Variants in SNTG1 observed in about 807,000 individuals in gnomAD.
The protein encoded by SNTG1 is gamma-1-syntrophin.
Under a neutral mutation model 74.7 loss-of-function variants are expected in SNTG1, and 39 were observed. The ratio of observed to expected loss-of-function variants is 0.52; its 90% CI spans 0.40 to 0.68. The LOEUF (loss-of-function observed/expected upper bound fraction) is 0.68, where lower values mean the gene tolerates loss of function less well. SNTG1 is among the 30% of genes least tolerant of loss of function. The pLI is 0.00. For missense variants in SNTG1, 685 were observed against 609.5 expected (o/e 1.12, Z -1.30); for synonymous variants, 254 against 217.1 (o/e 1.17, Z -1.49).
chr8:50,192,607 G>A (rs528689768), intron 2 of SNTG1, among the ~76,000 whole-genome samples: 5 of 151,690 alleles, frequency 3.3e-5, no homozygotes, highest in Middle Eastern at 6.9e-3. Flanking sequence ...TGGGTTGTCT[G>A]TTTATTCTGC....
intron 2 of SNTG1, among the ~76,000 whole-genome samples, chr8:50,319,436 T>C (rs1022353571): frequency 2.6e-5 from 4 of 152,222 alleles, no homozygotes; most frequent in Non-Finnish European, 4.4e-5. Flanking sequence ...ACTACAACTT[T>C]ACTGAATTTA....
chr8:50,578,423 AAGAG>A (rs34191085), intron 12 of SNTG1, among the ~76,000 whole-genome samples: 2 of 151,806 alleles, frequency 1.3e-5, no homozygotes, highest in African/African-American at 4.8e-5. Flanking sequence ...ATGAGAGAGA[AAGAG>A]AGAGAGAGAG....
At chr8:50,011,617 G>A (rs553748281) in intron 1 of SNTG1, among the ~76,000 whole-genome samples, 85 of 93,152 alleles carry the variant, frequency 9.1e-4, no homozygotes, top group African/African-American at 2.2e-3. Context: ...ACTATCCCAA[G>A]GTGAAATTAA....
intron 1 of SNTG1, among the ~76,000 whole-genome samples, chr8:49,915,281 G>A (rs1322348535): frequency 6.6e-6 from 1 of 152,018 alleles, no homozygotes; most frequent in African/African-American, 2.4e-5. Context: ...GAAATTCAAT[G>A]ATTTTGAGAG....
intron 2 of SNTG1, among the ~76,000 whole-genome samples, chr8:50,265,775 A>G (rs1213622886): frequency 1.3e-5 from 2 of 152,090 alleles, no homozygotes; most frequent in African/African-American, 4.8e-5. Flanking sequence ...CATTAAATCA[A>G]TTGTATTTTT....
At chr8:50,168,475 A>G (rs998578643) in intron 1 of SNTG1, among the ~76,000 whole-genome samples, 1 of 152,178 alleles carries the variant, frequency 6.6e-6, no homozygotes, top group African/African-American at 2.4e-5. Context: ...TATACATTAT[A>G]AGATGCATTT....
At chr8:50,292,383 G>T (rs564305532) in intron 2 of SNTG1, among the ~76,000 whole-genome samples, 1 of 152,272 alleles carries the variant, frequency 6.6e-6, no homozygotes. Flanking sequence ...TTAGAAAATG[G>T]ATGGTCAATG....
chr8:50,692,527 T>A (rs1167021823), intron 15 of SNTG1, among the ~76,000 whole-genome samples: 5 of 152,174 alleles, frequency 3.3e-5, no homozygotes, highest in African/African-American at 1.2e-4. Context: ...CCAGACCCTG[T>A]TTGCCTGGGT....
intron 8 of SNTG1, among the ~76,000 whole-genome samples, chr8:50,483,659 G>T (rs1465736650): frequency 6.6e-6 from 1 of 152,004 alleles, no homozygotes; most frequent in Non-Finnish European, 1.5e-5. Flanking sequence ...TATATGGCAG[G>T]GAACAGTGTA....
At chr8:50,770,136 T>C (rs538182661) in intron 18 of SNTG1, among the ~76,000 whole-genome samples, 2 of 152,294 alleles carry the variant, frequency 1.3e-5, no homozygotes, top group African/African-American at 4.8e-5. Context: ...TTGATACTTA[T>C]GGACCATAAA....
At chr8:50,556,426 T>A (rs2094455915) in intron 12 of SNTG1, among the ~76,000 whole-genome samples, 2 of 152,196 alleles carry the variant, frequency 1.3e-5, no homozygotes, top group South Asian at 4.1e-4. Flanking sequence ...TGAACTATTA[T>A]TTTAGGTAAA....
At chr8:50,712,717 A>G (rs972025098) in intron 17 of SNTG1, among the ~76,000 whole-genome samples, 5 of 150,514 alleles carry the variant, frequency 3.3e-5, no homozygotes, top group Non-Finnish European at 7.4e-5. Context: ...ACCTGTTCTC[A>G]TTGTTCAACT....
Position 50,097,638 on chromosome 8 carries a change from T to C in SNTG1, c.-102-74923T>C, listed in dbSNP as rs575153361. ...CAGCACTCCAGCCTGGGCGACAAAA[T>C]GAGACTCCGTCTCAAAAAAAAAAAC... On this transcript the variant is annotated intron_variant, in intron 1 of 18. Transcript: ENST00000642720. Among the ~76,000 whole-genome samples the C allele has an allele frequency of 7.3e-5, 11 of 150,788 alleles. 1 individual carries two copies. The highest frequency in any genetic ancestry group is 2.4e-4 in the African/African-American group (10 of 41,006).
intron 13 of SNTG1, among the ~76,000 whole-genome samples, chr8:50,605,480 C>A (rs2094806035): frequency 6.6e-6 from 1 of 152,154 alleles, no homozygotes; most frequent in Non-Finnish European, 1.5e-5. Context: ...TGGGCAGGAA[C>A]CAGCTGAGCA....
intron 12 of SNTG1, among the ~76,000 whole-genome samples, chr8:50,572,418 T>C (rs1418039022): frequency 6.6e-6 from 1 of 152,172 alleles, no homozygotes; most frequent in African/African-American, 2.4e-5. Context: ...TGTATGTGTG[T>C]GCATATGCTA....
intron 2 of SNTG1, among the ~76,000 whole-genome samples, chr8:50,358,316 T>C (rs2091873816): frequency 6.6e-6 from 1 of 152,218 alleles, no homozygotes; most frequent in African/African-American, 2.4e-5. Flanking sequence ...CAGTATTCAT[T>C]AGAGTAAGTT....
At chr8:50,354,583 CTGTTA>C (rs1220946061) in intron 2 of SNTG1, among the ~76,000 whole-genome samples, 4 of 152,168 alleles carry the variant, frequency 2.6e-5, no homozygotes, top group African/African-American at 7.2e-5. Flanking sequence ...ATTGTCTCTT[CTGTTA>C]TATTAGTTTT....
intron 1 of SNTG1, among the ~76,000 whole-genome samples, chr8:50,104,944 T>G (rs2080306944): frequency 6.6e-6 from 1 of 152,128 alleles, no homozygotes. Flanking sequence ...ATTAGACTGT[T>G]GTAGGATGCA....
intron 3 of SNTG1, among the ~76,000 whole-genome samples, chr8:50,396,993 C>T (rs1294574615): frequency 6.6e-6 from 1 of 152,096 alleles, no homozygotes; most frequent in Non-Finnish European, 1.5e-5. Context: ...AAATATGTTG[C>T]CTTTTAGGCA....
Sources: allele counts gnomAD v4.1 joint callset (sites outside exome capture counted in the v4.1 genomes callset), GRCh38; gene constraint gnomAD v4.1.1; transcripts MANE v1.5; gene names NCBI Gene and HGNC (gene_info 2026-07-23, HGNC 2026-07-21).